Variants in DMRT1 observed in about 807,000 individuals in gnomAD.
The protein encoded by DMRT1 is doublesex and mab-3 related transcription factor 1, also known as doublesex- and mab-3-related transcription factor 1.
In DMRT1, 7 loss-of-function variants were observed where a neutral mutation model predicts 32.3. The ratio of observed to expected loss-of-function variants is 0.22; its 90% CI spans 0.12 to 0.41. The LOEUF is 0.41. Ranked by LOEUF, DMRT1 falls within the 10% of genes least tolerant of loss-of-function variation. DMRT1 has a pLI of 1.00. For missense variants in DMRT1, 625 were observed against 500.5 expected (o/e 1.25, Z -2.37); for synonymous variants, 278 against 206.1 (o/e 1.35, Z -2.99).
intron 3 of DMRT1, among the ~76,000 whole-genome samples, chr9:912,314 G>C (rs185931122): frequency 1.3e-5 from 2 of 152,284 alleles, no homozygotes; most frequent in Admixed American, 6.5e-5. Flanking sequence ...ATTTGAGTGA[G>C]GACACAGAGC....
At chr9:855,566 A>G (rs1294536759) in intron 2 of DMRT1, among the ~76,000 whole-genome samples, 1 of 152,252 alleles carries the variant, frequency 6.6e-6, no homozygotes, top group Non-Finnish European at 1.5e-5. Flanking sequence ...CCAGAGAATA[A>G]AACTATTGAT....
chr9:869,519 A>G (rs1182875515), intron 2 of DMRT1, among the ~76,000 whole-genome samples: 1 of 152,156 alleles, frequency 6.6e-6, no homozygotes, highest in Non-Finnish European at 1.5e-5. Flanking sequence ...ATTCTTCTCT[A>G]AAGTATCCCT....
intron 4 of DMRT1, among the ~76,000 whole-genome samples, chr9:947,058 A>G (rs1819269089): frequency 6.6e-6 from 1 of 152,188 alleles, no homozygotes. Flanking sequence ...TCATTACGTC[A>G]CTTGAAGCAA....
In DMRT1 at chr9:948,813, C is replaced by T. The variant is rs1437281382; in HGVS notation, c.968-19172C>T. 4.6e-5 allele frequency among the ~76,000 whole-genome samples: 7 copies of T among 151,572 alleles called. 1 individual carries two copies. Among genetic ancestry groups the T allele is most frequent in the Admixed American group, 1.3e-4 (2 of 15,204 alleles). On this transcript the variant is annotated intron_variant, in intron 4 of 4. Coordinates refer to ENST00000382276, the MANE Select transcript of DMRT1 (RefSeq NM_021951.3). Reference sequence around the variant, plus strand: ...GCTTATGCCTGTAATCCTAGCACTTCGGGAGGCCAAAGTGGATGGATCACT... The same window carrying T: ...GCTTATGCCTGTAATCCTAGCACTTTGGGAGGCCAAAGTGGATGGATCACT...
chr9:891,584 G>C (rs118120487), intron 2 of DMRT1, among the ~76,000 whole-genome samples: 1 of 146,310 alleles, frequency 6.8e-6, no homozygotes, highest in Non-Finnish European at 1.5e-5. Flanking sequence ...GCCCAATATC[G>C]TCTCACTCCA....
chr9:929,637 A>T (rs1818643546), intron 4 of DMRT1, among the ~76,000 whole-genome samples: 1 of 152,084 alleles, frequency 6.6e-6, no homozygotes, highest in African/African-American at 2.4e-5. Context: ...ATATATGTAA[A>T]TGAAAGTTAA....
intron 3 of DMRT1, among the ~76,000 whole-genome samples, chr9:908,999 G>A (rs1250455184): frequency 1.3e-5 from 2 of 152,108 alleles, no homozygotes; most frequent in Non-Finnish European, 2.9e-5. Flanking sequence ...GATCCTCTTG[G>A]CCTTTGCGGG....
chr9:932,789 C>T (rs1019778249), intron 4 of DMRT1, among the ~76,000 whole-genome samples: 38 of 152,146 alleles, frequency 2.5e-4, no homozygotes, highest in African/African-American at 8.7e-4. Flanking sequence ...TAATGACTCA[C>T]AGAACTCAGA....
chr9:949,368 GA>G lies in DMRT1; in HGVS notation c.968-18608del, dbSNP rs200356346. On this transcript the variant is annotated intron_variant, in intron 4 of 4. Transcript: ENST00000382276. ...TGGGAGAGCAAGACCCTCTCTCGGG[GA>G]AAAAAAAACCCCAAAAAACCCACAA... 3.8e-3 allele frequency among the ~76,000 whole-genome samples: 576 copies of G among 149,980 alleles called. 5 individuals are homozygous for G. Among genetic ancestry groups the G allele is most frequent in the African/African-American group, 0.013 (516 of 40,918 alleles).
Position 893,959 on chromosome 9 carries a change from C to T in DMRT1, c.586C>T (p.His196Tyr), listed in dbSNP as rs1817249257. The T allele has an allele frequency of 1.2e-6, 2 of 1,614,136 alleles. No individual in the cohort carries two copies. Among genetic ancestry groups the T allele is most frequent in the Non-Finnish European group, 1.7e-6 (2 of 1,179,958 alleles). Residue 196 changes from histidine (H) to tyrosine (Y), a missense_variant, in exon 3 of 5, where the codon CAT becomes TAT. Around this residue, in one of 3 missense-constraint regions of DMRT1, gnomAD observed 416 missense variants for 321.6 expected, o/e 1.29. Coordinates refer to ENST00000382276, the MANE Select transcript of DMRT1 (RefSeq NM_021951.3). ...TATTCCTGCTGTCACCAGCAGAGGG[C>T]ATGTGGAGAACACACCTGACCTGGT... ...QDIPAVTSRG[H>Y]VENTPDLVSD...
intron 4 of DMRT1, among the ~76,000 whole-genome samples, chr9:948,915 TAATAA>T (rs1235192313): frequency 1.7e-3 from 238 of 138,328 alleles, no homozygotes; most frequent in African/African-American, 6.9e-3. Flanking sequence ...ATAATAATAA[TAATAA>T]TAATAATAAT....
chr9:875,089 C>T (rs568646101), intron 2 of DMRT1, among the ~76,000 whole-genome samples: 2 of 152,114 alleles, frequency 1.3e-5, no homozygotes, highest in Admixed American at 6.5e-5. Flanking sequence ...GGATTACAGG[C>T]GTGAGCCACC....
chr9:865,661 T>C (rs1016424526), intron 2 of DMRT1, among the ~76,000 whole-genome samples: 1 of 152,170 alleles, frequency 6.6e-6, no homozygotes, highest in African/African-American at 2.4e-5. Flanking sequence ...AATTACATCT[T>C]TGGGTGAGGA....
intron 3 of DMRT1, among the ~76,000 whole-genome samples, chr9:905,488 C>CTGTGTG (rs57056050): frequency 0.099 from 14,514 of 147,026 alleles, 908 homozygotes; most frequent in African/African-American, 0.17. Context: ...GTGTGTGTGT[C>CTGTGTG]TGTGTGTGTG....
chr9:886,446 G>T (rs951602247), intron 2 of DMRT1, among the ~76,000 whole-genome samples: 1 of 152,044 alleles, frequency 6.6e-6, no homozygotes, highest in African/African-American at 2.4e-5. Flanking sequence ...TTTTGAGATG[G>T]GGTTTTGCCA....
intron 4 of DMRT1, among the ~76,000 whole-genome samples, chr9:926,377 A>G (rs1586626775): frequency 6.6e-6 from 1 of 152,216 alleles, no homozygotes; most frequent in African/African-American, 2.4e-5. Flanking sequence ...ATAAGTGCAA[A>G]TAGAAACACA....
intron 4 of DMRT1, among the ~76,000 whole-genome samples, chr9:946,747 G>T (rs1439126777): frequency 6.6e-6 from 1 of 152,230 alleles, no homozygotes. Context: ...TTGACATGAT[G>T]TGGGGACAAT....
chr9:961,287 C>G lies in DMRT1; in HGVS notation c.968-6698C>G, dbSNP rs779330987. Among the ~76,000 whole-genome samples, 13 of 152,260 alleles carry G rather than the reference C, an allele frequency of 8.5e-5. 1 individual carries two copies. The highest frequency in any genetic ancestry group is 5.9e-4 in the Admixed American group (9 of 15,302). On this transcript the variant is annotated intron_variant, in intron 4 of 4. Coordinates refer to ENST00000382276, the MANE Select transcript of DMRT1 (RefSeq NM_021951.3). Reference sequence around the variant, plus strand: ...TCTTCTCTCCTCAGAACGCAAGCCTCGTTGTGACAGGGCTCCAGGAACCCA... The same window carrying G: ...TCTTCTCTCCTCAGAACGCAAGCCTGGTTGTGACAGGGCTCCAGGAACCCA...
At chr9:942,160 T>TG (rs562794274) in intron 4 of DMRT1, among the ~76,000 whole-genome samples, 2 of 152,308 alleles carry the variant, frequency 1.3e-5, no homozygotes, top group South Asian at 4.1e-4. Context: ...TTTTTGGAGA[T>TG]GGGGGGTAAA....
Sources: gnomAD v4.1 joint callset for allele counts (sites outside exome capture counted in the v4.1 genomes callset) on GRCh38, gnomAD v4.1.1 for gene constraint, gnomAD v4.1.1 regional missense constraint, MANE v1.5 for transcripts, NCBI Gene and HGNC (gene_info 2026-07-23, HGNC 2026-07-21) for gene names.